MGST1: variants seen among roughly 807,000 people sequenced by gnomAD.
MGST1 encodes glutathione S-transferase 12.
In MGST1, 5 loss-of-function variants were observed where a neutral mutation model predicts 8.9. The ratio of observed to expected loss-of-function variants is 0.56; its 90% CI spans 0.29 to 1.19. The LOEUF (loss-of-function observed/expected upper bound fraction) is 1.19, where lower values mean the gene tolerates loss of function less well. Ranked by LOEUF, MGST1 falls within the 50% of genes most tolerant of loss-of-function variation. The probability of loss-of-function intolerance (pLI) is 0.08; values close to 1 mark genes in which losing one functional copy is unlikely to be tolerated. For synonymous variants in MGST1, 54 were observed against 67.8 expected (o/e 0.80, Z 1.00); for missense variants, 182 against 187.4 (o/e 0.97, Z 0.17).
intron 4 of MGST1, among the ~76,000 whole-genome samples, chr12:16,455,346 C>T (rs1941164393): frequency 6.6e-6 from 1 of 151,796 alleles, no homozygotes; most frequent in African/African-American, 2.4e-5. Context: ...GGTTTAGAAG[C>T]CACACAGTAA....
At chr12:16,365,485 G>A (rs2137007293), downstream of MGST1, among the ~76,000 whole-genome samples, 1 of 152,234 alleles carries the variant, frequency 6.6e-6, no homozygotes, top group South Asian at 2.1e-4. Flanking sequence ...AAAAGTCACT[G>A]TGTTGTATTT....
At chr12:16,486,389 CA>C (rs1285832459) in intron 4 of MGST1, among the ~76,000 whole-genome samples, 1 of 151,906 alleles carries the variant, frequency 6.6e-6, no homozygotes, top group African/African-American at 2.4e-5. Context: ...AATATAAAAA[CA>C]AAGAACAATA....
intron 4 of MGST1, among the ~76,000 whole-genome samples, chr12:16,465,047 A>C (rs1471745243): frequency 1.3e-5 from 2 of 152,168 alleles, no homozygotes; most frequent in African/African-American, 4.8e-5. Flanking sequence ...CTGAGAAGAG[A>C]AGTGTGCATG....
At chr12:16,402,014 C>T (rs1940659963) in intron 1 of MGST1, 2 of 1,605,772 alleles carry the variant, frequency 1.2e-6, no homozygotes, top group South Asian at 1.1e-5. Context: ...CTTTGCTGAA[C>T]ACTCCAATCT....
chr12:16,468,640 T>A (rs1941270774), intron 4 of MGST1, among the ~76,000 whole-genome samples: 1 of 152,208 alleles, frequency 6.6e-6, no homozygotes, highest in African/African-American at 2.4e-5. Context: ...GTATATATAT[T>A]TTAAATCCCT....
chr12:16,532,864 A>G (rs1423139994), intron 4 of MGST1, among the ~76,000 whole-genome samples: 1 of 152,152 alleles, frequency 6.6e-6, no homozygotes, highest in Non-Finnish European at 1.5e-5. Context: ...TTGTCTTAAT[A>G]TTCAGAGTTG....
chr12:16,472,393 C>T (rs935011485), intron 4 of MGST1, among the ~76,000 whole-genome samples: 11 of 151,052 alleles, frequency 7.3e-5, no homozygotes, highest in Non-Finnish European at 7.4e-5. Flanking sequence ...GGGTAAACGC[C>T]TGCCCACCTG....
downstream of MGST1, among the ~76,000 whole-genome samples, chr12:16,379,473 C>A (rs930115519): frequency 1.3e-5 from 2 of 152,124 alleles, no homozygotes; most frequent in Admixed American, 1.3e-4. Flanking sequence ...TATATTGAAC[C>A]AGCCTTGCAT....
chr12:16,431,287 A>C (rs959333069), intron 1 of MGST1, among the ~76,000 whole-genome samples: 1 of 152,152 alleles, frequency 6.6e-6, no homozygotes, highest in African/African-American at 2.4e-5. Context: ...CTTATCATTC[A>C]TGTGTTGACT....
chr12:16,481,130 A>AAAAC (rs1168078644), intron 4 of MGST1, among the ~76,000 whole-genome samples: 1 of 152,168 alleles, frequency 6.6e-6, no homozygotes, highest in Non-Finnish European at 1.5e-5. Flanking sequence ...AGACCTCACC[A>AAAAC]AAACAAACAA....
intron 4 of MGST1, among the ~76,000 whole-genome samples, chr12:16,566,040 A>ATATGT (rs1942598708): frequency 9.4e-6 from 1 of 106,802 alleles, no homozygotes; most frequent in Non-Finnish European, 1.9e-5. Context: ...ATATATATAT[A>ATATGT]AAATGGAGTA....
chr12:16,456,827 A>G lies in MGST1; in HGVS notation n.482+73223A>G, dbSNP rs541316028. Among the ~76,000 whole-genome samples, 15 of 151,988 alleles carry G rather than the reference A, an allele frequency of 9.9e-5. No homozygotes were observed. The East Asian group carries it at 2.5e-3, about 26-fold the overall frequency. On this transcript the variant is annotated intron_variant and non_coding_transcript_variant, in intron 4 of 4. Transcript: ENST00000538857. Reference sequence around the variant, plus strand: ...CCTTATTCTCTCCTCAGCCAATCAAATGTGAAATTCTGTCAATTCAGCTTC... The same window carrying G: ...CCTTATTCTCTCCTCAGCCAATCAAGTGTGAAATTCTGTCAATTCAGCTTC...
intron 4 of MGST1, among the ~76,000 whole-genome samples, chr12:16,540,597 G>A (rs950048409): frequency 6.6e-5 from 10 of 152,194 alleles, no homozygotes; most frequent in East Asian, 1.9e-4. Flanking sequence ...TGGACAGAGC[G>A]ACATTTAAGA....
At chr12:16,416,018 T>C (rs990451105) in intron 1 of MGST1, among the ~76,000 whole-genome samples, 2 of 152,226 alleles carry the variant, frequency 1.3e-5, no homozygotes, top group Non-Finnish European at 2.9e-5. Context: ...CATTTAGTAG[T>C]CCTTTTCATG....
intron 4 of MGST1, among the ~76,000 whole-genome samples, chr12:16,583,651 G>A (rs1465095291): frequency 6.6e-6 from 1 of 152,162 alleles, no homozygotes; most frequent in Non-Finnish European, 1.5e-5. Flanking sequence ...AAAAACATCA[G>A]GGAATATCAA....
At chr12:16,425,639 T>A (rs2137087753) in intron 1 of MGST1, among the ~76,000 whole-genome samples, 1 of 152,252 alleles carries the variant, frequency 6.6e-6, no homozygotes, top group Admixed American at 6.5e-5. Context: ...AAGACACTTC[T>A]ACCTCCATGA....
At chr12:16,348,895 G>T (rs897886092) in intron 1 of MGST1, 2 of 151,668 alleles carry the variant, frequency 1.3e-5, no homozygotes, top group Non-Finnish European at 2.9e-5. Context: ...TTGTTTTAGA[G>T]TGGTGTCTAT....
At chr12:16,558,808 A>T (rs1285288698) in intron 4 of MGST1, among the ~76,000 whole-genome samples, 1 of 152,206 alleles carries the variant, frequency 6.6e-6, no homozygotes, top group East Asian at 1.9e-4. Flanking sequence ...TTGGTAAATT[A>T]TAAAGATAAC....
intron 4 of MGST1, among the ~76,000 whole-genome samples, chr12:16,532,314 G>A (rs541371347): frequency 2.6e-5 from 4 of 152,012 alleles, no homozygotes; most frequent in Non-Finnish European, 5.9e-5. Flanking sequence ...AAACGCCAAG[G>A]CCAGTCCTGC....
Sources: gnomAD v4.1 joint callset for allele counts (sites outside exome capture counted in the v4.1 genomes callset) on GRCh38, gnomAD v4.1.1 for gene constraint, MANE v1.5 for transcripts, NCBI Gene and HGNC (gene_info 2026-07-23, HGNC 2026-07-21) for gene names.